ANKIB1: variants seen among roughly 807,000 people sequenced by gnomAD.
ANKIB1 encodes the protein ankyrin repeat and IBR domain containing 1, also known as ankyrin repeat and IBR domain-containing protein 1.
ANKIB1 carries 43 observed loss-of-function variants against 122.1 expected under a neutral mutation model. The ratio of observed to expected loss-of-function variants is 0.35; its 90% confidence interval spans 0.28 to 0.45. The LOEUF (loss-of-function observed/expected upper bound fraction) is 0.45. Ranked by LOEUF, ANKIB1 falls within the 20% of genes least tolerant of loss-of-function variation. The probability of loss-of-function intolerance (pLI) is 1.00; values close to 1 mark genes in which losing one functional copy is unlikely to be tolerated. For missense variants in ANKIB1, 992 were observed against 1,329.5 expected, an observed-to-expected ratio of 0.75 and a Z score of 3.95; for synonymous variants, 390 against 442.0, an observed-to-expected ratio of 0.88 and a Z score of 1.48.
At position 92,399,621 on chromosome 7, in the gene ANKIB1, G is replaced by A. The variant is rs1337608784; in HGVS notation, c.*672G>A. On this transcript the variant is annotated 3_prime_UTR_variant, in exon 20 of 20. Transcript: ENST00000265742. ...TGTGCAGCATCCTAGAGTGCTCCAG[G>A]GCAGTGTCAGCGTTCTCGGGAGTAA... is the stretch of plus-strand genomic sequence containing the variant. The A allele has an allele frequency of 1.3e-5, 2 of 152,102 alleles. No individual in the cohort carries two copies. The highest frequency in any genetic ancestry group is 2.9e-5 in the Non-Finnish European group (2 of 68,024). The allele number at this position is 152,102 out of a possible 1,614,324, so 9.4% of individuals were successfully genotyped here. A position where few individuals can be genotyped will look rare whatever the true frequency, so the allele number is the denominator to read the frequency against.
At position 92,319,430 on chromosome 7, in the gene ANKIB1, A is replaced by G. The variant is rs753018317; in HGVS notation, c.587A>G (p.Asn196Ser). ...CAACACCACAAAGATTTGGCCCTCA[A>G]TCTGGAATCTCAAATGGTATTCTCA... ...EKQHHKDLAL[N>S]LESQMVFSRD... Residue 196 changes from asparagine (N) to serine (S), a missense_variant, in exon 4 of 20, where the codon AAT becomes AGT. Physicochemically the swap from Asn to Ser is conservative, Grantham distance 46. Around this residue, in one of 4 missense-constraint regions of ANKIB1, gnomAD observed 521 missense variants for 777.7 expected, o/e 0.67. Transcript: ENST00000265742. The G allele has an allele frequency of 4.3e-6, 7 of 1,613,536 alleles. No individual in the cohort carries two copies. Among genetic ancestry groups the G allele is most frequent in the African/African-American group, 1.3e-5 (1 of 74,898 alleles).
At chr7:92,273,650 C>A (rs1801842870) in intron 1 of ANKIB1, among the ~76,000 whole-genome samples, 1 of 152,152 alleles carries the variant, frequency 6.6e-6, no homozygotes, top group African/African-American at 2.4e-5. Context: ...TTATAGTCTG[C>A]CAGGCAGGAG....
intron 1 of ANKIB1, among the ~76,000 whole-genome samples, chr7:92,288,989 A>G (rs1802193863): frequency 6.6e-6 from 1 of 152,230 alleles, no homozygotes; most frequent in Non-Finnish European, 1.5e-5. Flanking sequence ...GACTTAGTAC[A>G]TATCCCAGCA....
At chr7:92,338,941 T>A (rs866923140) in intron 5 of ANKIB1, among the ~76,000 whole-genome samples, 1,506 of 48,224 alleles carry the variant, frequency 0.031, 53 homozygotes, top group African/African-American at 0.054. Context: ...AAAATATATA[T>A]ATATATATAT....
intron 5 of ANKIB1, among the ~76,000 whole-genome samples, chr7:92,342,532 C>T (rs905316227): frequency 6.6e-6 from 1 of 152,086 alleles, no homozygotes; most frequent in South Asian, 2.1e-4. Flanking sequence ...CTAATTTCTT[C>T]GGAAGTTTCT....
At chr7:92,308,828 G>A (rs1197545196) in intron 3 of ANKIB1, among the ~76,000 whole-genome samples, 1 of 152,068 alleles carries the variant, frequency 6.6e-6, no homozygotes, top group Non-Finnish European at 1.5e-5. Context: ...ATGTATTTAA[G>A]TATGTGTGAG....
rs138687172 is a variant in ANKIB1 at position 92,268,100 on chromosome 7, T to C, written c.-91+21581T>C. Reference sequence around the variant, plus strand: ...GTGTACTTTTGTTTTGTTTATGAGCTAAAGATGGGTCCTGAGAAGATACGT... The same window carrying C: ...GTGTACTTTTGTTTTGTTTATGAGCCAAAGATGGGTCCTGAGAAGATACGT... On this transcript the variant is annotated intron_variant, in intron 1 of 19. Transcript: ENST00000265742. Among the ~76,000 whole-genome samples the C allele has an allele frequency of 5.3e-5, 8 of 152,306 alleles. No homozygotes were observed. The East Asian group carries it at 1.5e-3, about 29-fold the overall frequency.
chr7:92,341,435 A>G (rs1803438166), intron 5 of ANKIB1, among the ~76,000 whole-genome samples: 1 of 152,122 alleles, frequency 6.6e-6, no homozygotes. Flanking sequence ...GGAAATACCA[A>G]TATAAACATG....
intron 9 of ANKIB1, among the ~76,000 whole-genome samples, chr7:92,355,616 G>A (rs560146559): frequency 5.3e-5 from 8 of 152,050 alleles, no homozygotes; most frequent in Non-Finnish European, 1.2e-4. Flanking sequence ...TTGGGAGGCC[G>A]AGGCAGGGGG....
chr7:92,282,018 A>G (rs1254753273), intron 1 of ANKIB1, among the ~76,000 whole-genome samples: 1 of 152,224 alleles, frequency 6.6e-6, no homozygotes, highest in South Asian at 2.1e-4. Flanking sequence ...ATTTCAAAAG[A>G]TATTTGACTA....
At chr7:92,391,971 ATTTAC>A (rs1350614067) in intron 16 of ANKIB1, among the ~76,000 whole-genome samples, 1 of 152,154 alleles carries the variant, frequency 6.6e-6, no homozygotes, top group Non-Finnish European at 1.5e-5. Context: ...ATGAGTAAAT[ATTTAC>A]TTGTAAAATA....
intron 1 of ANKIB1, among the ~76,000 whole-genome samples, chr7:92,280,092 G>T (rs150594722): frequency 0.011 from 1,729 of 152,318 alleles, 17 homozygotes; most frequent in Non-Finnish European, 0.018. Context: ...TATTCAGAGT[G>T]TTCTGCTCAC....
At chr7:92,264,598 G>T (rs1344780956) in intron 1 of ANKIB1, among the ~76,000 whole-genome samples, 1 of 151,706 alleles carries the variant, frequency 6.6e-6, no homozygotes, top group African/African-American at 2.4e-5. Context: ...TTTTAGTAAA[G>T]ACAGGGTTTC....
In ANKIB1 at chr7:92,338,133, AGGT is replaced by A. The variant is rs549045782; in HGVS notation, c.788-4889_788-4887del. Among the ~76,000 whole-genome samples, 9 of 152,210 alleles carry A rather than the reference AGGT, an allele frequency of 5.9e-5. No homozygotes were observed. In the East Asian group the frequency reaches 1.7e-3, roughly 29 times the overall value. The stretch of plus-strand genomic sequence containing the variant: ...CTACATAAAAAAGATTATTAAGGCT[AGGT>A]GTAGTGGCTCAGGTCTGTAATTTTA... On this transcript the variant is annotated intron_variant, in intron 5 of 19. Coordinates refer to ENST00000265742, the MANE Select transcript of ANKIB1 (RefSeq NM_019004.2).
At chr7:92,298,415 G>A (rs1239270567) in intron 2 of ANKIB1, among the ~76,000 whole-genome samples, 1 of 151,774 alleles carries the variant, frequency 6.6e-6, no homozygotes, top group Admixed American at 6.6e-5. Flanking sequence ...CTAAGGTAAT[G>A]TGTATATTTT....
intron 1 of ANKIB1, among the ~76,000 whole-genome samples, chr7:92,255,213 T>C (rs1207782643): frequency 6.6e-6 from 1 of 152,240 alleles, no homozygotes; most frequent in African/African-American, 2.4e-5. Flanking sequence ...TAAAGACTTT[T>C]TGATGTTCCT....
chr7:92,256,003 T>G (rs1562761367), intron 1 of ANKIB1, among the ~76,000 whole-genome samples: 1 of 152,170 alleles, frequency 6.6e-6, no homozygotes. Flanking sequence ...TAATTATAGT[T>G]TTAGATGGTA....
intron 8 of ANKIB1, 142 bp downstream of exon 8, chr7:92,351,236 C>T: frequency 1.4e-6 from 1 of 713,536 alleles, no homozygotes; most frequent in Non-Finnish European, 2.0e-6. Context: ...AGAAAAGTTG[C>T]TTAAAGGAAT....
At chr7:92,344,192 G>GTTT (rs1803488879) in intron 6 of ANKIB1, among the ~76,000 whole-genome samples, 1 of 115,294 alleles carries the variant, frequency 8.7e-6, no homozygotes, top group African/African-American at 3.4e-5. Context: ...TTGTGTTTTT[G>GTTT]GTTTTTTTTT....
Sources: gnomAD v4.1 joint callset for allele counts (sites outside exome capture counted in the v4.1 genomes callset) on GRCh38, gnomAD v4.1.1 for gene constraint, gnomAD v4.1.1 regional missense constraint, MANE v1.5 for transcripts, NCBI Gene and HGNC (gene_info 2026-07-23, HGNC 2026-07-21) for gene names.